GPR149: variants seen among roughly 807,000 people sequenced by gnomAD.
GPR149 encodes G protein-coupled receptor 149.
Under a neutral mutation model 50.2 loss-of-function variants are expected in GPR149, and 50 were observed. That is an observed-to-expected ratio of 1.00 (90% CI 0.79 to 1.26). The LOEUF is 1.26. Ranked by LOEUF, GPR149 falls within the 50% of genes most tolerant of loss-of-function variation. The pLI is 0.00. For missense variants in GPR149, 983 were observed against 895.4 expected, an observed-to-expected ratio of 1.10 and a Z score of -1.25; for synonymous variants, 405 against 358.2, an observed-to-expected ratio of 1.13 and a Z score of -1.48.
At chr3:154,408,758 T>C (rs1338832028) in intron 3 of GPR149, among the ~76,000 whole-genome samples, 1 of 152,180 alleles carries the variant, frequency 6.6e-6, no homozygotes, top group African/African-American at 2.4e-5. Flanking sequence ...GCCTTGGTAG[T>C]CGAAGGCAAA....
At chr3:154,425,079 A>C (rs184414579) in intron 2 of GPR149, among the ~76,000 whole-genome samples, 55 of 152,038 alleles carry the variant, frequency 3.6e-4, no homozygotes, top group African/African-American at 1.1e-3. Context: ...ACAACAACAA[A>C]AAAACACTTT....
intron 3 of GPR149, among the ~76,000 whole-genome samples, chr3:154,367,759 C>G (rs1342561705): frequency 2.0e-5 from 3 of 152,100 alleles, no homozygotes; most frequent in Non-Finnish European, 4.4e-5. Flanking sequence ...GCCGCCCCAC[C>G]AAATCTTTGG....
At chr3:154,348,721 G>A (rs1713991911) in intron 3 of GPR149, among the ~76,000 whole-genome samples, 1 of 152,130 alleles carries the variant, frequency 6.6e-6, no homozygotes, top group South Asian at 2.1e-4. Context: ...CAACAAGAGT[G>A]TAGAAGAGCA....
chr3:154,387,968 T>G (rs1715082102), intron 3 of GPR149, among the ~76,000 whole-genome samples: 1 of 152,194 alleles, frequency 6.6e-6, no homozygotes, highest in African/African-American at 2.4e-5. Flanking sequence ...TAGCTTATTT[T>G]TTTAATGTGT....
intron 3 of GPR149, among the ~76,000 whole-genome samples, chr3:154,416,102 T>C (rs146168322): frequency 9.7e-4 from 148 of 152,012 alleles, no homozygotes; most frequent in African/African-American, 3.5e-3. Flanking sequence ...AATAGTTTAT[T>C]TTTTAAAGTG....
At chr3:154,425,763 C>T (rs1444133835) in intron 2 of GPR149, among the ~76,000 whole-genome samples, 1 of 151,956 alleles carries the variant, frequency 6.6e-6, no homozygotes, top group Non-Finnish European at 1.5e-5. Flanking sequence ...TAATTTCAAA[C>T]CTGTGATATG....
Position 154,429,467 on chromosome 3 carries a change from C to A in GPR149, c.149G>T (p.Gly50Val). The A allele has an allele frequency of 1.2e-6, 2 of 1,614,108 alleles. No homozygotes were observed. Among genetic ancestry groups the A allele is most frequent in the Non-Finnish European group, 1.7e-6 (2 of 1,180,020 alleles). The change falls in exon 1 of 4, where the codon GGC becomes GTC. Residue 50 changes from glycine (G) to valine (V), a missense_variant. Gly to Val is a moderately radical substitution (Grantham distance 109). Transcript: ENST00000389740. Reference protein sequence around the residue: ...TCLMTFAALVGSIYSLISLLK... With the variant: ...TCLMTFAALVVSIYSLISLLK... ...CAGGGAAATTAGTGAATAAATGCTG[C>A]CCACCAAGGCTGCAAAAGTCATGAG...
intron 3 of GPR149, among the ~76,000 whole-genome samples, chr3:154,339,127 C>A (rs1281560889): frequency 2.0e-5 from 3 of 152,194 alleles, no homozygotes; most frequent in African/African-American, 7.2e-5. Flanking sequence ...ATGTACCAAA[C>A]TTCTAGAGCA....
chr3:154,416,866 A>G (rs952158260), intron 3 of GPR149, among the ~76,000 whole-genome samples: 4 of 151,990 alleles, frequency 2.6e-5, no homozygotes, highest in East Asian at 1.9e-4. Context: ...TGCACCTTAC[A>G]GATCCTATAA....
At chr3:154,391,733 A>G (rs1388626274) in intron 3 of GPR149, among the ~76,000 whole-genome samples, 1 of 151,842 alleles carries the variant, frequency 6.6e-6, no homozygotes, top group Non-Finnish European at 1.5e-5. Flanking sequence ...TTGACAACTT[A>G]TTAAGTTTAC....
rs1257922458 is a variant in GPR149, at chr3:154,427,539, G to C, written c.1151C>G (p.Ala384Gly). The part of the protein sequence containing the change: ...CIINCRQNAY[A>G]VASDGKKIKR... ...ACTTTTTTTCCCATCGGACGCCACT[G>C]CATATGCGTTCTGCCTGCAGTTGAT... The change falls in exon 2 of 4, where the codon GCA becomes GGA. Residue 384 changes from alanine (A) to glycine (G), a missense_variant. Transcript: ENST00000389740. 3 of 1,612,952 alleles carry C rather than the reference G, an allele frequency of 1.9e-6. No homozygotes were observed. Among genetic ancestry groups the C allele is most frequent in the Non-Finnish European group, 2.5e-6 (3 of 1,179,618 alleles).
intron 3 of GPR149, among the ~76,000 whole-genome samples, chr3:154,366,887 G>T (rs1381405544): frequency 2.6e-5 from 4 of 152,222 alleles, no homozygotes; most frequent in Non-Finnish European, 5.9e-5. Flanking sequence ...CCAGGACATG[G>T]TCACTCATAT....
intron 3 of GPR149, among the ~76,000 whole-genome samples, chr3:154,375,117 T>C (rs1371440273): frequency 1.3e-5 from 2 of 152,210 alleles, no homozygotes; most frequent in Non-Finnish European, 2.9e-5. Flanking sequence ...TCCCTTTCTT[T>C]CATTTTCTTT....
At chr3:154,369,418 A>T (rs973139539) in intron 3 of GPR149, among the ~76,000 whole-genome samples, 6 of 152,188 alleles carry the variant, frequency 3.9e-5, no homozygotes, top group Non-Finnish European at 8.8e-5. Flanking sequence ...GCCCTTCGTG[A>T]CAATACTGCC....
intron 3 of GPR149, among the ~76,000 whole-genome samples, chr3:154,365,664 G>A (rs955231382): frequency 1.3e-5 from 2 of 152,114 alleles, no homozygotes; most frequent in Non-Finnish European, 2.9e-5. Context: ...TCCACCAAAT[G>A]TCTTAGTTCA....
chr3:154,429,344 A>C lies in GPR149; in HGVS notation c.272T>G (p.Leu91Trp), dbSNP rs1455297618. Residue 91 changes from leucine to tryptophan, a missense_variant, in exon 1 of 4, where the codon TTG (leucine) becomes TGG (tryptophan). By Grantham distance (61) the Leu-to-Trp change is moderately conservative. Coordinates refer to ENST00000389740, the MANE Select transcript of GPR149 (RefSeq NM_001038705.3). ...ACCGGGGACCTCGTTTGGCCACTGCAAAAACATGAAGATGGTCACCGACAG... is the reference window on the plus strand; with the variant it reads ...ACCGGGGACCTCGTTTGGCCACTGCCAAAACATGAAGATGGTCACCGACAG... ...SVLSVTIFMF[L>W]QWPNEVPGYF... 2 of 1,614,230 alleles carry C rather than the reference A, an allele frequency of 1.2e-6. No homozygotes were observed. Among genetic ancestry groups the C allele is most frequent in the Non-Finnish European group, 8.5e-7 (1 of 1,180,032 alleles).
At chr3:154,392,068 G>C (rs1327056027) in intron 3 of GPR149, among the ~76,000 whole-genome samples, 1 of 151,436 alleles carries the variant, frequency 6.6e-6, no homozygotes, top group African/African-American at 2.4e-5. Context: ...ATAATTGTGA[G>C]AGACTTCAAT....
chr3:154,402,772 G>A (rs1306126053), intron 3 of GPR149, among the ~76,000 whole-genome samples: 1 of 152,014 alleles, frequency 6.6e-6, no homozygotes, highest in Non-Finnish European at 1.5e-5. Flanking sequence ...ACAGCTAATT[G>A]TTTGAAAATC....
chr3:154,374,369 C>T (rs924617342), intron 3 of GPR149, among the ~76,000 whole-genome samples: 16 of 151,586 alleles, frequency 1.1e-4, no homozygotes, highest in African/African-American at 3.4e-4. Flanking sequence ...AGATGGGGTT[C>T]GCCATGTTGG....
Sources: allele counts gnomAD v4.1 joint callset (sites outside exome capture counted in the v4.1 genomes callset), GRCh38; gene constraint gnomAD v4.1.1; transcripts MANE v1.5; gene names NCBI Gene and HGNC (gene_info 2026-07-23, HGNC 2026-07-21).